PPP4R4: variants seen among roughly 807,000 people sequenced by gnomAD.
PPP4R4 encodes protein phosphatase 4 regulatory subunit 4, also known as serine/threonine-protein phosphatase 4 regulatory subunit 4.
PPP4R4 carries 70 observed loss-of-function variants against 121.8 expected under a neutral mutation model. The ratio of observed to expected loss-of-function variants is 0.57; its 90% CI spans 0.47 to 0.70. The LOEUF (loss-of-function observed/expected upper bound fraction) is 0.70. Among genes scored for constraint, PPP4R4 ranks in the 30% least tolerant of loss-of-function variants. PPP4R4 has a pLI of 0.00. For synonymous variants in PPP4R4, 348 were observed against 355.7 expected (o/e 0.98, Z 0.24); for missense variants, 875 against 1,033.6 (o/e 0.85, Z 2.10).
chr14:94,263,892 T>G (rs192467748), intron 19 of PPP4R4, among the ~76,000 whole-genome samples: 25 of 148,906 alleles, frequency 1.7e-4, no homozygotes, highest in Non-Finnish European at 3.3e-4. Flanking sequence ...TTCCTTAGTT[T>G]ACATGTGCAT....
chr14:94,220,667 A>T (rs1891337443), intron 3 of PPP4R4, among the ~76,000 whole-genome samples: 1 of 152,202 alleles, frequency 6.6e-6, no homozygotes, highest in Non-Finnish European at 1.5e-5. Context: ...ATACTTAGAG[A>T]TAAATCTGGT....
intron 3 of PPP4R4, among the ~76,000 whole-genome samples, chr14:94,215,736 C>T (rs1318837661): frequency 6.6e-6 from 1 of 152,080 alleles, no homozygotes; most frequent in Non-Finnish European, 1.5e-5. Flanking sequence ...TTGATACAAA[C>T]TGTTCTATGG....
intron 3 of PPP4R4, among the ~76,000 whole-genome samples, chr14:94,218,426 G>T (rs114539906): frequency 9.7e-6 from 1 of 103,316 alleles, no homozygotes; most frequent in Non-Finnish European, 1.9e-5. Context: ...GACACCGCAC[G>T]CGCGCGCACA....
intron 16 of PPP4R4, among the ~76,000 whole-genome samples, chr14:94,253,802 T>C (rs1320070156): frequency 1.3e-5 from 2 of 152,210 alleles, no homozygotes; most frequent in Non-Finnish European, 2.9e-5. Context: ...TCCTACTCTC[T>C]TGCCTGGCCA....
intron 2 of PPP4R4, among the ~76,000 whole-genome samples, chr14:94,190,735 C>G (rs1889549806): frequency 6.6e-6 from 1 of 152,130 alleles, no homozygotes; most frequent in African/African-American, 2.4e-5. Flanking sequence ...CAGAACTCTT[C>G]CAAGTTTATG....
chr14:94,236,340 T>G (rs765929392), intron 7 of PPP4R4, among the ~76,000 whole-genome samples: 7 of 152,216 alleles, frequency 4.6e-5, no homozygotes, highest in Non-Finnish European at 8.8e-5. Context: ...CTTTCATTGT[T>G]AATAAATTCA....
chr14:94,193,693 A>G (rs1237327027), intron 2 of PPP4R4, among the ~76,000 whole-genome samples: 1 of 152,150 alleles, frequency 6.6e-6, no homozygotes, highest in African/African-American at 2.4e-5. Flanking sequence ...AAATGTGATG[A>G]GGGTGAAATG....
chr14:94,255,600 CA>C (rs199694473), intron 16 of PPP4R4, among the ~76,000 whole-genome samples: 29,755 of 127,136 alleles, frequency 0.23, 3,416 homozygotes, highest in East Asian at 0.62. Flanking sequence ...GACTCTGTCT[CA>C]AAAAAAAAAA....
intron 5 of PPP4R4, among the ~76,000 whole-genome samples, chr14:94,232,987 G>A (rs1271545315): frequency 6.6e-6 from 1 of 152,264 alleles, no homozygotes; most frequent in Non-Finnish European, 1.5e-5. Context: ...GAACCCGGGA[G>A]GTGGAGCTTG....
At chr14:94,215,615 A>T (rs1045232629) in intron 3 of PPP4R4, among the ~76,000 whole-genome samples, 1 of 152,216 alleles carries the variant, frequency 6.6e-6, no homozygotes, top group African/African-American at 2.4e-5. Flanking sequence ...GATAATCATC[A>T]GGGTCAGAAT....
At chr14:94,200,756 G>A (rs1890128600) in intron 2 of PPP4R4, among the ~76,000 whole-genome samples, 1 of 148,710 alleles carries the variant, frequency 6.7e-6, no homozygotes, top group Non-Finnish European at 1.5e-5. Context: ...GTCTATCAAT[G>A]TTGTTTATCT....
intron 16 of PPP4R4, among the ~76,000 whole-genome samples, chr14:94,252,917 C>G (rs967427338): frequency 6.6e-6 from 1 of 152,070 alleles, no homozygotes; most frequent in African/African-American, 2.4e-5. Context: ...AGATAATAAG[C>G]TAACTGAGAT....
At chr14:94,240,538 G>A in intron 8 of PPP4R4, 135 bp from the exon 9 acceptor site, 1 of 932,118 alleles carries the variant, frequency 1.1e-6, no homozygotes, top group Non-Finnish European at 1.5e-6. Flanking sequence ...CATCGTTGTT[G>A]CTTTCAGGTA....
chr14:94,191,104 C>A (rs556475041), intron 2 of PPP4R4, among the ~76,000 whole-genome samples: 42 of 152,178 alleles, frequency 2.8e-4, no homozygotes, highest in African/African-American at 3.6e-4. Flanking sequence ...ATACAAAAAA[C>A]CAAGGATTTA....
intron 2 of PPP4R4, among the ~76,000 whole-genome samples, chr14:94,178,222 A>G (rs1199646492): frequency 1.3e-5 from 2 of 151,890 alleles, no homozygotes; most frequent in African/African-American, 2.4e-5. Context: ...GATGTAATTT[A>G]TTCCTTTTTT....
chr14:94,271,149 A>G (rs1188967315), intron 23 of PPP4R4, among the ~76,000 whole-genome samples: 1 of 152,218 alleles, frequency 6.6e-6, no homozygotes, highest in Non-Finnish European at 1.5e-5. Context: ...GATAGAAGCA[A>G]CGGGAATACA....
intron 7 of PPP4R4, among the ~76,000 whole-genome samples, chr14:94,236,249 GA>G (rs1261380506): frequency 1.3e-5 from 2 of 151,474 alleles, no homozygotes; most frequent in Non-Finnish European, 2.9e-5. Flanking sequence ...ACATGTTTTT[GA>G]AAAAAAGAGA....
At position 94,265,798 on chromosome 14, in the gene PPP4R4, A is replaced by G; in HGVS notation, c.2289A>G (p.Lys763=). 1 of 1,599,142 alleles carries G rather than the reference A, an allele frequency of 6.3e-7. No homozygotes were observed. Among genetic ancestry groups the G allele is most frequent in the Non-Finnish European group, 8.5e-7 (1 of 1,170,614 alleles). The change falls in exon 22 of 25, where the codon AAA becomes AAG. Residue 763 remains lysine (K), a synonymous_variant. Transcript: ENST00000304338. ...GPSSVTPSTS[K]EIKKSKLIRS... ...TTTTTCTGCTTATTGCTCTAGGTAAAGAAATCAAGAAATCCAAACTGATTC... is the reference window on the plus strand; with the variant it reads ...TTTTTCTGCTTATTGCTCTAGGTAAGGAAATCAAGAAATCCAAACTGATTC...
intron 3 of PPP4R4, among the ~76,000 whole-genome samples, chr14:94,226,097 C>A (rs958185266): frequency 1.3e-5 from 2 of 152,086 alleles, no homozygotes; most frequent in Admixed American, 6.6e-5. Flanking sequence ...ACATTTTAAG[C>A]CTAAATTATG....
Sources: gnomAD v4.1 joint callset for allele counts (sites outside exome capture counted in the v4.1 genomes callset) on GRCh38, gnomAD v4.1.1 for gene constraint, MANE v1.5 for transcripts, NCBI Gene and HGNC (gene_info 2026-07-23, HGNC 2026-07-21) for gene names.